CUX1: variants seen among roughly 807,000 people sequenced by gnomAD.
The protein encoded by CUX1 is cut like homeobox 1.
A neutral mutation model predicts 158.8 loss-of-function variants in CUX1; 31 were observed. The observed-to-expected ratio is 0.20, with a 90% CI of 0.15 to 0.26. The LOEUF is 0.26. CUX1 is among the 10% of genes least tolerant of loss of function. The pLI is 1.00. For synonymous variants in CUX1, 879 were observed against 862.1 expected (o/e 1.02, Z -0.34); for missense variants, 1,589 against 2,014.6 (o/e 0.79, Z 4.04).
At chr7:101,872,589 A>G (rs543030072) in intron 1 of CUX1, among the ~76,000 whole-genome samples, 1 of 150,602 alleles carries the variant, frequency 6.6e-6, no homozygotes, top group East Asian at 2.0e-4. Context: ...TGGTAAAGCT[A>G]TGTGTTAGGT....
At chr7:102,115,374 C>A in intron 8 of CUX1, 101 bp downstream of exon 8, 1 of 946,282 alleles carries the variant, frequency 1.1e-6, no homozygotes, top group Non-Finnish European at 1.6e-6. Context: ...TGTGCTGCTG[C>A]AGGGACACAG....
chr7:102,196,689 G>A lies in CUX1; in HGVS notation c.1278G>A (p.Leu426=). 3 of 1,603,456 alleles carry A rather than the reference G, an allele frequency of 1.9e-6. No individual in the cohort carries two copies. The highest frequency in any genetic ancestry group is 2.6e-6 in the Non-Finnish European group (3 of 1,174,170). ...CTGAAAGTCGGCGCCCGGGATCTTT[G>A]CCGGCCCCCCCTCCTTCTCAGTTGC... is the stretch of plus-strand genomic sequence containing the variant. ...DQPESRRPGS[L]PAPPPSQLPR... is the part of the protein sequence containing the mutation. Residue 426 remains leucine, a synonymous_variant, in exon 15 of 24, where the codon TTG becomes TTA. Coordinates refer to ENST00000292535, the MANE Select transcript of CUX1 (RefSeq NM_181552.4).
intron 8 of CUX1, among the ~76,000 whole-genome samples, chr7:102,131,365 C>T (rs1833211083): frequency 6.6e-6 from 1 of 151,840 alleles, no homozygotes. Flanking sequence ...ATAAAAATTG[C>T]TCAATTGGCC....
intron 20 of CUX1, among the ~76,000 whole-genome samples, chr7:102,221,264 AAC>A (rs1298890132): frequency 6.6e-6 from 1 of 152,260 alleles, no homozygotes; most frequent in Non-Finnish European, 1.5e-5. Flanking sequence ...TTGTTTCAGC[AAC>A]TTGTCCTTCT....
rs879921348 is a variant in CUX1, at chr7:101,834,982, C to T, written c.30+17313C>T. Among the ~76,000 whole-genome samples the T allele has an allele frequency of 4.7e-4, 70 of 149,102 alleles. 1 individual carries two copies. Among genetic ancestry groups the T allele is most frequent in the Admixed American group, 1.4e-3 (21 of 14,690 alleles). ...CTGCACTCCAGCCTGGGTGACAGAG[C>T]GAGACTCTGTGTCATAAATAAATAA... On this transcript the variant is annotated intron_variant, in intron 1 of 23. Coordinates refer to ENST00000292535, the MANE Select transcript of CUX1 (RefSeq NM_181552.4).
downstream of CUX1, among the ~76,000 whole-genome samples, chr7:102,262,606 T>A (rs1213481199): frequency 6.6e-5 from 10 of 152,244 alleles, no homozygotes; most frequent in South Asian, 2.1e-3. Context: ...CCAGGCCCCA[T>A]CTCCTGGGGT....
intron 1 of CUX1, chr7:101,913,486 C>G: frequency 9.3e-7 from 1 of 1,080,354 alleles, no homozygotes; most frequent in African/African-American, 1.6e-5. Context: ...CCTCCTCCAC[C>G]AGGCAGGCTC....
In CUX1 at chr7:102,251,697, C is replaced by A; in HGVS notation, c.*2655C>A. 3.0e-6 allele frequency: 3 copies of A among 985,370 alleles called. No individual in the cohort carries two copies. Among genetic ancestry groups the A allele is most frequent in the South Asian group, 4.7e-5 (1 of 21,290 alleles). The allele number at this position is 985,370 out of a possible 1,614,324, so 61.0% of individuals were successfully genotyped here. On this transcript the variant is annotated 3_prime_UTR_variant, in exon 24 of 24. Transcript: ENST00000292535. ...AGGACAGTGAGTGGCAGAGCCCTGA[C>A]GACTGTGGTGTCCTCTCCACAAAAC...
At chr7:102,094,924 C>T (rs1315915552) in intron 4 of CUX1, among the ~76,000 whole-genome samples, 1 of 152,028 alleles carries the variant, frequency 6.6e-6, no homozygotes, top group African/African-American at 2.4e-5. Flanking sequence ...ACAAACAGCA[C>T]CTGGAATCTT....
rs1824348730 is a variant in CUX1, at chr7:102,057,931, G to T, written c.190-12408G>T. 4.6e-5 allele frequency among the ~76,000 whole-genome samples: 7 copies of T among 152,240 alleles called. No individual in the cohort carries two copies. In the South Asian group the frequency reaches 1.5e-3, roughly 32 times the overall value. On this transcript the variant is annotated intron_variant, in intron 3 of 23. Coordinates refer to ENST00000292535, the MANE Select transcript of CUX1 (RefSeq NM_181552.4). ...GCAATGCATGATACACAGAAATCTT[G>T]TGTTAACGAAAGAGTCAATCAAGCT...
At chr7:102,178,720 G>GCACA in intron 11 of CUX1, 63 bp downstream of exon 11, 2 of 1,453,148 alleles carry the variant, frequency 1.4e-6, no homozygotes, top group East Asian at 4.9e-5. Flanking sequence ...GGACACACGC[G>GCACA]CACACACACA....
intron 20 of CUX1, among the ~76,000 whole-genome samples, chr7:102,225,111 T>C (rs1283203547): frequency 6.6e-6 from 1 of 152,206 alleles, no homozygotes; most frequent in Non-Finnish European, 1.5e-5. Flanking sequence ...AAATCTGATT[T>C]GTAAGATTCA....
chr7:101,851,695 C>T (rs1380108455), intron 1 of CUX1, among the ~76,000 whole-genome samples: 1 of 152,186 alleles, frequency 6.6e-6, no homozygotes, highest in Non-Finnish European at 1.5e-5. Flanking sequence ...TCTCAGATTT[C>T]ATGAACACGC....
chr7:102,060,608 A>AACACACAC (rs58786987), intron 3 of CUX1, among the ~76,000 whole-genome samples: 40,616 of 132,744 alleles, frequency 0.31, 6,386 homozygotes, highest in East Asian at 0.38. Context: ...CACACAAATA[A>AACACACAC]ACACACACAC....
intron 8 of CUX1, among the ~76,000 whole-genome samples, chr7:102,130,744 A>G (rs1439944625): frequency 2.0e-5 from 3 of 152,184 alleles, no homozygotes; most frequent in African/African-American, 4.8e-5. Context: ...ACAAAAGCAC[A>G]GCTTATTCTT....
At chr7:101,944,496 C>T (rs1808134206) in intron 2 of CUX1, among the ~76,000 whole-genome samples, 1 of 152,200 alleles carries the variant, frequency 6.6e-6, no homozygotes, top group Non-Finnish European at 1.5e-5. Flanking sequence ...TGTTTGTGGC[C>T]AGTGAGCCAC....
chr7:102,016,598 C>T (rs754855763), intron 2 of CUX1, among the ~76,000 whole-genome samples: 2 of 152,166 alleles, frequency 1.3e-5, no homozygotes, highest in Non-Finnish European at 1.5e-5. Flanking sequence ...GACGACAGAG[C>T]GAGACCTCGT....
intron 10 of CUX1, among the ~76,000 whole-genome samples, chr7:102,178,126 T>C (rs1195098505): frequency 2.6e-5 from 4 of 152,224 alleles, no homozygotes; most frequent in Non-Finnish European, 5.9e-5. Context: ...GGTCATGACC[T>C]CCTGACCTAA....
chr7:102,016,119 T>C (rs1818554014), intron 2 of CUX1, among the ~76,000 whole-genome samples: 1 of 152,130 alleles, frequency 6.6e-6, no homozygotes, highest in African/African-American at 2.4e-5. Flanking sequence ...GCTAATTTTT[T>C]TGATTTTTAG....
Sources: allele counts gnomAD v4.1 joint callset (sites outside exome capture counted in the v4.1 genomes callset), GRCh38; gene constraint gnomAD v4.1.1; transcripts MANE v1.5; gene names NCBI Gene and HGNC (gene_info 2026-07-23, HGNC 2026-07-21).